Variants in SLC39A10 observed in about 807,000 individuals in gnomAD.
The protein encoded by SLC39A10 is solute carrier family 39 member 10, also known as zinc transporter ZIP10.
Under a neutral mutation model 65.1 loss-of-function variants are expected in SLC39A10, and 13 were observed. The observed-to-expected ratio is 0.20, with a 90% CI of 0.13 to 0.32. The LOEUF (loss-of-function observed/expected upper bound fraction) is 0.32, where lower values mean the gene tolerates loss of function less well. SLC39A10 is among the 10% of genes least tolerant of loss of function. SLC39A10 has a pLI of 1.00. For synonymous variants in SLC39A10, 321 were observed against 342.2 expected (o/e 0.94, Z 0.68); for missense variants, 831 against 1,018.4 (o/e 0.82, Z 2.50).
At chr2:195,660,236 A>T (rs1689335061) in intron 1 of SLC39A10, among the ~76,000 whole-genome samples, 1 of 152,224 alleles carries the variant, frequency 6.6e-6, no homozygotes, top group African/African-American at 2.4e-5. Context: ...TGGAAATGCC[A>T]TGAGTTTAGT....
upstream of SLC39A10, among the ~76,000 whole-genome samples, chr2:195,651,811 A>C (rs895681700): frequency 1.3e-5 from 2 of 152,134 alleles, no homozygotes; most frequent in Admixed American, 6.6e-5. Flanking sequence ...CTGGTACTTA[A>C]TATCCCCACA....
In SLC39A10 at chr2:195,737,041, C is replaced by CTGATTGAT. The variant is rs537527095; in HGVS notation, c.*2002_*2009dup. ...ATACTCCCAGTTTTAAAATAAATGC[C>CTGATTGAT]TGATTGATTTAAAGCAAGTAGGTTA... On this transcript the variant is annotated 3_prime_UTR_variant, in exon 10 of 10. Coordinates refer to ENST00000359634, the MANE Select transcript of SLC39A10 (RefSeq NM_020342.3). 7.4e-6 allele frequency: 1 copy of CTGATTGAT among 135,868 alleles called. No individual in the cohort carries two copies. Among genetic ancestry groups the CTGATTGAT allele is most frequent in the Admixed American group, 7.3e-5 (1 of 13,612 alleles). The allele number at this position is 135,868 out of a possible 1,614,324, so 8.4% of individuals were successfully genotyped here.
Position 195,735,193 on chromosome 2 carries a change from C to A in SLC39A10, c.*152C>A. 1.4e-6 allele frequency: 1 copy of A among 690,984 alleles called. No individual in the cohort carries two copies. The highest frequency in any genetic ancestry group is 2.2e-6 in the Non-Finnish European group (1 of 446,648). The allele number at this position is 690,984 out of a possible 1,614,324, so 42.8% of individuals were successfully genotyped here. On this transcript the variant is annotated 3_prime_UTR_variant, in exon 10 of 10. Transcript: ENST00000359634. The stretch of plus-strand genomic sequence containing the variant: ...TGAGCCTAACCACAAGAGGCTGGTG[C>A]TTAGTACTGTTTTCCCTGCACGTAG...
intron 2 of SLC39A10, among the ~76,000 whole-genome samples, chr2:195,642,242 A>G (rs1688826418): frequency 6.6e-6 from 1 of 152,192 alleles, no homozygotes; most frequent in Non-Finnish European, 1.5e-5. Flanking sequence ...TAACCAGCGG[A>G]GTAACTTGGG....
At position 195,716,528 on chromosome 2, in the gene SLC39A10, C is replaced by T. The variant is rs1053081090; in HGVS notation, c.1697-109C>T. On this transcript the variant is annotated intron_variant, in intron 6 of 9. Transcript: ENST00000359634. ...AATTTTAGGAAATTATTTAAGAATT[C>T]TAAAAGACATTCACTTAAGAAATGT... The T allele has an allele frequency of 3.6e-6, 3 of 843,826 alleles. No individual in the cohort carries two copies. In the East Asian group the frequency reaches 8.7e-5, roughly 24 times the overall value. 52.3% of individuals were successfully genotyped at this position (843,826 alleles called of 1,614,324 possible).
At chr2:195,657,496 T>C in intron 1 of SLC39A10, 2 of 985,438 alleles carry the variant, frequency 2.0e-6, no homozygotes, top group Non-Finnish European at 2.4e-6. Context: ...GGGCAGAGTG[T>C]TGGGCGCCGC....
chr2:195,731,007 C>T (rs900865133), intron 9 of SLC39A10, among the ~76,000 whole-genome samples: 1 of 152,150 alleles, frequency 6.6e-6, no homozygotes, highest in Non-Finnish European at 1.5e-5. Context: ...TTTTTAACTA[C>T]TCTCCCTGCT....
At chr2:195,666,218 TGTC>T (rs1181691518) in intron 1 of SLC39A10, among the ~76,000 whole-genome samples, 1 of 152,206 alleles carries the variant, frequency 6.6e-6, no homozygotes, top group East Asian at 1.9e-4. Context: ...GCCTCTGTGT[TGTC>T]TGAAACATAA....
In SLC39A10 at chr2:195,624,942, G is replaced by A. The variant is rs1688435755; in HGVS notation, c.-12+18709G>A. Among the ~76,000 whole-genome samples the A allele has an allele frequency of 2.1e-5, 3 of 145,826 alleles. No homozygotes were observed. In the South Asian group the frequency reaches 6.7e-4, roughly 32 times the overall value. On this transcript the variant is annotated intron_variant, in intron 2 of 2. Coordinates refer to the SLC39A10 transcript ENST00000458054. ...AAACTTCTAAAAGGGGCCGGGCGCA[G>A]TGACTCACGCCTGTAATCCCAGCAC...
intron 3 of SLC39A10, among the ~76,000 whole-genome samples, chr2:195,701,162 C>A (rs1691168727): frequency 6.6e-6 from 1 of 151,908 alleles, no homozygotes; most frequent in Admixed American, 6.6e-5. Flanking sequence ...TTTCCATTGT[C>A]CTGTTTTCAA....
At chr2:195,697,097 TA>T (rs1428465506) in intron 3 of SLC39A10, among the ~76,000 whole-genome samples, 2 of 152,166 alleles carry the variant, frequency 1.3e-5, no homozygotes, top group African/African-American at 4.8e-5. Context: ...CTGTTGGTCT[TA>T]ACTGTCTCAG....
At chr2:195,631,254 A>T (rs1205376953) in intron 2 of SLC39A10, among the ~76,000 whole-genome samples, 1 of 151,942 alleles carries the variant, frequency 6.6e-6, no homozygotes, top group Non-Finnish European at 1.5e-5. Flanking sequence ...CTAGAGAGTT[A>T]CAAATATAAA....
At chr2:195,623,405 GTGT>G (rs144193580) in intron 2 of SLC39A10, among the ~76,000 whole-genome samples, 2,391 of 152,200 alleles carry the variant, frequency 0.016, 50 homozygotes, top group African/African-American at 0.054. Context: ...TCCTTACGCC[GTGT>G]TGTATAATTT....
At chr2:195,724,035 CATA>C (rs35520203) in intron 8 of SLC39A10, among the ~76,000 whole-genome samples, 69,720 of 151,872 alleles carry the variant, frequency 0.46, 17,167 homozygotes, top group Non-Finnish European at 0.57. Flanking sequence ...ATAAGATTTT[CATA>C]ATGTGTTAAA....
intron 2 of SLC39A10, among the ~76,000 whole-genome samples, chr2:195,618,143 G>A (rs930942647): frequency 3.9e-5 from 6 of 151,936 alleles, no homozygotes; most frequent in African/African-American, 1.4e-4. Flanking sequence ...CTGAGGTCAG[G>A]GGTTTGAGAC....
intron 2 of SLC39A10, among the ~76,000 whole-genome samples, chr2:195,648,507 G>A (rs1279450566): frequency 1.3e-5 from 2 of 152,018 alleles, no homozygotes; most frequent in Non-Finnish European, 2.9e-5. Context: ...ATGAAACTGT[G>A]TCTCTACAAA....
chr2:195,624,546 CAGAA>C (rs1688422983), intron 2 of SLC39A10, among the ~76,000 whole-genome samples: 1 of 151,926 alleles, frequency 6.6e-6, no homozygotes, highest in African/African-American at 2.4e-5. Context: ...ATTGTCCACT[CAGAA>C]GGAGGGAGGG....
At chr2:195,614,440 T>C (rs1688164263) in intron 2 of SLC39A10, among the ~76,000 whole-genome samples, 1 of 152,214 alleles carries the variant, frequency 6.6e-6, no homozygotes, top group Admixed American at 6.5e-5. Context: ...TCATTTCCAA[T>C]ATTCAATTTC....
intron 3 of SLC39A10, among the ~76,000 whole-genome samples, chr2:195,701,599 T>G (rs943172808): frequency 1.3e-5 from 2 of 152,014 alleles, no homozygotes; most frequent in Non-Finnish European, 2.9e-5. Context: ...TAAATTGTGT[T>G]TGTTTGTTAT....
Sources: allele counts gnomAD v4.1 joint callset (sites outside exome capture counted in the v4.1 genomes callset), GRCh38; gene constraint gnomAD v4.1.1; transcripts MANE v1.5; gene names NCBI Gene and HGNC (gene_info 2026-07-23, HGNC 2026-07-21).